Variants in AUTS2 observed in about 807,000 individuals in gnomAD.
AUTS2 encodes the protein activator of transcription and developmental regulator AUTS2.
In AUTS2, 17 loss-of-function variants were observed where a neutral mutation model predicts 112.4. That is an observed-to-expected ratio of 0.15 (90% CI 0.10 to 0.23). AUTS2 has a LOEUF of 0.23. Ranked by LOEUF, AUTS2 falls within the 10% of genes least tolerant of loss-of-function variation. The probability of loss-of-function intolerance (pLI) is 1.00; values close to 1 mark genes in which losing one functional copy is unlikely to be tolerated. For synonymous variants in AUTS2, 751 were observed against 702.7 expected, an observed-to-expected ratio of 1.07 and a Z score of -1.09; for missense variants, 1,510 against 1,701.6, an observed-to-expected ratio of 0.89 and a Z score of 1.98.
chr7:70,033,501 C>G (rs1177265695), intron 2 of AUTS2, among the ~76,000 whole-genome samples: 1 of 152,054 alleles, frequency 6.6e-6, no homozygotes. Context: ...TTAGTTTGAG[C>G]TTGTGAATCC....
At chr7:70,371,710 T>G (rs1270046584) in intron 4 of AUTS2, among the ~76,000 whole-genome samples, 1 of 152,226 alleles carries the variant, frequency 6.6e-6, no homozygotes, top group Non-Finnish European at 1.5e-5. Flanking sequence ...AGTTCATTGA[T>G]TAGTTTATCT....
At chr7:70,651,740 T>TTTAG (rs1806519107) in intron 5 of AUTS2, among the ~76,000 whole-genome samples, 1 of 152,124 alleles carries the variant, frequency 6.6e-6, no homozygotes, top group Non-Finnish European at 1.5e-5. Flanking sequence ...TTAGGGACCA[T>TTTAG]CTGTATGTTG....
At chr7:70,108,865 G>T (rs879426381) in intron 2 of AUTS2, among the ~76,000 whole-genome samples, 1 of 150,046 alleles carries the variant, frequency 6.7e-6, no homozygotes, top group Non-Finnish European at 1.5e-5. Context: ...ACTTGAACCT[G>T]CCTCGGCTTC....
chr7:70,157,292 G>T (rs558857203), intron 4 of AUTS2, among the ~76,000 whole-genome samples: 204 of 148,604 alleles, frequency 1.4e-3, no homozygotes, highest in African/African-American at 4.6e-3. Flanking sequence ...TTTTTGTTTT[G>T]TTCATGAGAC....
At chr7:69,608,187 G>C (rs755875384) in intron 1 of AUTS2, among the ~76,000 whole-genome samples, 1 of 152,264 alleles carries the variant, frequency 6.6e-6, no homozygotes, top group Non-Finnish European at 1.5e-5. Context: ...ACCCTCCTCA[G>C]CCTCCCACAA....
intron 1 of AUTS2, among the ~76,000 whole-genome samples, chr7:69,726,042 T>G (rs928670113): frequency 2.6e-5 from 4 of 152,190 alleles, no homozygotes; most frequent in Admixed American, 2.6e-4. Flanking sequence ...GATCTTTTTT[T>G]TAGGATATTG....
At chr7:70,051,763 G>T (rs556922288) in intron 2 of AUTS2, among the ~76,000 whole-genome samples, 77 of 152,184 alleles carry the variant, frequency 5.1e-4, no homozygotes, top group African/African-American at 1.8e-3. Context: ...TGTAGGCAAG[G>T]GATATTTATT....
At chr7:70,456,229 A>G (rs776156893) in intron 5 of AUTS2, among the ~76,000 whole-genome samples, 1 of 152,220 alleles carries the variant, frequency 6.6e-6, no homozygotes, top group South Asian at 2.1e-4. Flanking sequence ...TAAGATTTAC[A>G]TAGCCATGGC....
intron 5 of AUTS2, among the ~76,000 whole-genome samples, chr7:70,614,690 G>GC (rs1563077112): frequency 6.6e-6 from 1 of 152,174 alleles, no homozygotes; most frequent in African/African-American, 2.4e-5. Context: ...GCGCATCAGG[G>GC]CCTATTAGTA....
At chr7:70,136,183 C>T (rs982339680) in intron 4 of AUTS2, among the ~76,000 whole-genome samples, 5 of 152,050 alleles carry the variant, frequency 3.3e-5, no homozygotes, top group African/African-American at 1.2e-4. Flanking sequence ...AATTACATGT[C>T]TATTAATAAA....
chr7:69,926,417 G>C (rs1325269487), intron 2 of AUTS2, among the ~76,000 whole-genome samples: 1 of 151,678 alleles, frequency 6.6e-6, no homozygotes, highest in East Asian at 1.9e-4. Context: ...AATAGTCTTT[G>C]CTCTGAAATC....
At chr7:70,611,495 G>T (rs562806828) in intron 5 of AUTS2, among the ~76,000 whole-genome samples, 1 of 152,166 alleles carries the variant, frequency 6.6e-6, no homozygotes, top group African/African-American at 2.4e-5. Context: ...GCTGCCTACC[G>T]TGGGGCTTTG....
chr7:70,308,303 T>C (rs543690555), intron 4 of AUTS2, among the ~76,000 whole-genome samples: 1 of 152,200 alleles, frequency 6.6e-6, no homozygotes, highest in African/African-American at 2.4e-5. Flanking sequence ...TTCACTCTTC[T>C]TAATTTTCTG....
At chr7:70,502,125 C>T (rs1798793428) in intron 5 of AUTS2, among the ~76,000 whole-genome samples, 1 of 152,198 alleles carries the variant, frequency 6.6e-6, no homozygotes, top group African/African-American at 2.4e-5. Context: ...ACCTCCGTGA[C>T]TTTCCTCTCC....
At chr7:69,602,053 TGTGTGTGTGTGTGTGTGTGTG>T in intron 1 of AUTS2, among the ~76,000 whole-genome samples, 1 of 12,906 alleles carries the variant, frequency 7.7e-5, no homozygotes, top group Admixed American at 5.9e-4. Flanking sequence ...TGTGTGTGTG[TGTGTGTGTGTGTGTGTGTGTG>T]TGTGTGTGTG....
At chr7:70,738,324 G>A (rs1787888880) in intron 6 of AUTS2, among the ~76,000 whole-genome samples, 2 of 151,976 alleles carry the variant, frequency 1.3e-5, no homozygotes, top group Non-Finnish European at 2.9e-5. Flanking sequence ...CGTTGCTGCT[G>A]GAGCAGATGA....
intron 1 of AUTS2, among the ~76,000 whole-genome samples, chr7:69,634,650 G>A (rs529209943): frequency 6.6e-6 from 1 of 152,342 alleles, no homozygotes; most frequent in Non-Finnish European, 1.5e-5. Context: ...AAACCTGGGA[G>A]TGGTTACAGG....
rs540943196 is a variant in AUTS2, at chr7:70,324,091, C to T, written c.661-111661C>T. 4.6e-5 allele frequency among the ~76,000 whole-genome samples: 7 copies of T among 152,276 alleles called. No homozygotes were observed. In the East Asian group the frequency reaches 1.4e-3, roughly 29 times the overall value. ...GTTGACACTCAGATTTGGTTGGGAA[C>T]CAAGGGGAGAACCTTGGCGTCATCA... On this transcript the variant is annotated intron_variant, in intron 4 of 18. Transcript: ENST00000342771.
intron 4 of AUTS2, among the ~76,000 whole-genome samples, chr7:70,299,328 G>C (rs547821875): frequency 4.6e-5 from 7 of 152,220 alleles, no homozygotes; most frequent in Admixed American, 1.3e-4. Flanking sequence ...TCTCACACAT[G>C]ATGACTCATG....
Sources: allele counts gnomAD v4.1 joint callset (sites outside exome capture counted in the v4.1 genomes callset), GRCh38; gene constraint gnomAD v4.1.1; transcripts MANE v1.5; gene names NCBI Gene and HGNC (gene_info 2026-07-23, HGNC 2026-07-21).